Variants in PTP4A1 observed in about 807,000 individuals in gnomAD.
PTP4A1 encodes the protein protein tyrosine phosphatase type IVA 1.
Under a neutral mutation model 20.5 loss-of-function variants are expected in PTP4A1, and 9 were observed. The observed-to-expected ratio is 0.44, with a 90% confidence interval of 0.26 to 0.77. PTP4A1 has a LOEUF of 0.77. Among genes scored for constraint, PTP4A1 ranks in the 30% least tolerant of loss-of-function variants. The pLI, the probability that PTP4A1 is intolerant of heterozygous loss-of-function variation, is 0.19. For missense variants in PTP4A1, 137 were observed against 218.8 expected, an observed-to-expected ratio of 0.63 and a Z score of 2.36; for synonymous variants, 78 against 67.4, an observed-to-expected ratio of 1.16 and a Z score of -0.77.
At chr6:63,518,418 T>C (rs1354192840), upstream of PTP4A1, among the ~76,000 whole-genome samples, 2 of 152,164 alleles carry the variant, frequency 1.3e-5, no homozygotes, top group African/African-American at 2.4e-5. Flanking sequence ...TAAAAAATTA[T>C]CATTTTGGAC....
At chr6:63,523,506 A>G (rs1334154180) in intron 1 of PTP4A1, among the ~76,000 whole-genome samples, 2 of 152,032 alleles carry the variant, frequency 1.3e-5, no homozygotes, top group African/African-American at 2.4e-5. Context: ...GTGAGACTCC[A>G]TCTCAAAAAT....
chr6:63,536,789 T>G (rs564334875), intron 2 of PTP4A1, among the ~76,000 whole-genome samples: 1 of 152,286 alleles, frequency 6.6e-6, no homozygotes, highest in African/African-American at 2.4e-5. Flanking sequence ...TTATATTATT[T>G]ATGTAAATAA....
chr6:63,574,668 C>T (rs1777735128), intron 1 of PTP4A1, among the ~76,000 whole-genome samples: 1 of 152,010 alleles, frequency 6.6e-6, no homozygotes, highest in South Asian at 2.1e-4. Context: ...AATACTGCCT[C>T]AAATTAGCTT....
upstream of PTP4A1, chr6:63,571,540 T>C (rs2758251): frequency 3.3e-5 from 5 of 152,180 alleles, no homozygotes; most frequent in African/African-American, 4.8e-5. Context: ...AAAACGAACA[T>C]AAAGAAGAGC....
At chr6:63,555,311 G>A (rs1438887346) in intron 3 of PTP4A1, among the ~76,000 whole-genome samples, 4 of 152,080 alleles carry the variant, frequency 2.6e-5, no homozygotes, top group Non-Finnish European at 4.4e-5. Context: ...AAGGAACTTC[G>A]GAGAGTTCCC....
intron 2 of PTP4A1, among the ~76,000 whole-genome samples, chr6:63,529,794 A>C (rs1464563050): frequency 2.6e-5 from 4 of 152,160 alleles, no homozygotes; most frequent in African/African-American, 9.7e-5. Flanking sequence ...TCACCTACCC[A>C]CATCCTATAT....
In PTP4A1 at chr6:63,572,875, T is replaced by C. The variant is rs375994951; in HGVS notation, c.-446+156T>C. Reference sequence around the variant, plus strand: ...GGTGGGAGCGGGCGGGTTATGGCCCTGTGGCCGGCCGATTGCGGCCGGCTG... The same window carrying C: ...GGTGGGAGCGGGCGGGTTATGGCCCCGTGGCCGGCCGATTGCGGCCGGCTG... On this transcript the variant is annotated intron_variant, in intron 1 of 5. Transcript: ENST00000626021. 8.5e-5 allele frequency among the ~76,000 whole-genome samples: 13 copies of C among 152,090 alleles called. No homozygotes were observed. In the East Asian group the frequency reaches 2.1e-3, roughly 25 times the overall value.
chr6:63,569,253 C>G (rs1397042966), upstream of PTP4A1, among the ~76,000 whole-genome samples: 1 of 152,100 alleles, frequency 6.6e-6, no homozygotes, highest in African/African-American at 2.4e-5. Context: ...ATAAAAATAT[C>G]GCTTATAATA....
chr6:63,535,505 T>C (rs922420522), intron 2 of PTP4A1, among the ~76,000 whole-genome samples: 2 of 152,200 alleles, frequency 1.3e-5, no homozygotes, highest in African/African-American at 4.8e-5. Flanking sequence ...ATTTCCCTCC[T>C]TAATTAAATG....
intron 1 of PTP4A1, among the ~76,000 whole-genome samples, chr6:63,525,358 G>A (rs902068215): frequency 6.6e-6 from 1 of 152,138 alleles, no homozygotes; most frequent in Non-Finnish European, 1.5e-5. Context: ...CTGCCAATGG[G>A]GGAGCTAGAG....
At chr6:63,572,767 G>A (rs939767081) in intron 1 of PTP4A1, 48 bp downstream of exon 1, 7 of 398,290 alleles carry the variant, frequency 1.8e-5, no homozygotes, top group African/African-American at 6.2e-5. Flanking sequence ...ATCCACGACC[G>A]GCCCCCCATC....
At chr6:63,534,452 A>AACAC (rs61533550) in intron 2 of PTP4A1, among the ~76,000 whole-genome samples, 10,585 of 144,422 alleles carry the variant, frequency 0.073, 383 homozygotes, top group Non-Finnish European at 0.086. Flanking sequence ...CACACAGAGA[A>AACAC]ACACACACAC....
At chr6:63,558,760 T>C (rs1776798008) in intron 3 of PTP4A1, among the ~76,000 whole-genome samples, 1 of 152,072 alleles carries the variant, frequency 6.6e-6, no homozygotes, top group South Asian at 2.1e-4. Flanking sequence ...AGAGAAAGAA[T>C]AGGAAATATT....
upstream of PTP4A1, chr6:63,572,366 G>A (rs1296643374): frequency 3.3e-6 from 1 of 305,756 alleles, no homozygotes; most frequent in Non-Finnish European, 6.0e-6. Flanking sequence ...TCCGGAGGGG[G>A]CGGGCCTCCG....
chr6:63,523,984 T>C, intron 1 of PTP4A1, among the ~76,000 whole-genome samples: 1 of 152,124 alleles, frequency 6.6e-6, no homozygotes, highest in Middle Eastern at 3.2e-3. Context: ...ATTGTATCAA[T>C]AGGCTTTTTT....
chr6:63,531,517 T>G (rs1231610800), intron 2 of PTP4A1, among the ~76,000 whole-genome samples: 1 of 149,372 alleles, frequency 6.7e-6, no homozygotes, highest in African/African-American at 2.5e-5. Context: ...TTATGCTTTT[T>G]TTTTTTTTTT....
rs1029288611 is a variant in PTP4A1, at chr6:63,565,264, A to C, written c.-445-11172A>C. Among the ~76,000 whole-genome samples, 10 of 152,228 alleles carry C rather than the reference A, an allele frequency of 6.6e-5. No homozygotes were observed. In the East Asian group the frequency reaches 1.9e-3, roughly 29 times the overall value. ...CTTAATACACACACTAAGCTCCTAC[A>C]GAAGTAAATACTATATTAAGCGGCA... On this transcript the variant is annotated intron_variant, in intron 3 of 3. Coordinates refer to the PTP4A1 transcript ENST00000639568.
chr6:63,518,646 C>G (rs1774816726), upstream of PTP4A1, among the ~76,000 whole-genome samples: 1 of 152,170 alleles, frequency 6.6e-6, no homozygotes, highest in Admixed American at 6.5e-5. Context: ...GGATTTAACT[C>G]TAGGTCTCTT....
rs1175093496 is a variant in PTP4A1 at position 63,579,303 on chromosome 6, T to A, written c.376T>A (p.Tyr126Asn). ...ALALIEGGMKYEDAVQFIRQK... is the reference protein window; with the variant it reads ...ALALIEGGMKNEDAVQFIRQK... ...AGCATTAATTGAAGGTGGAATGAAATACGAAGATGCAGTACAATTCATAAG... is the reference window on the plus strand; with the variant it reads ...AGCATTAATTGAAGGTGGAATGAAAAACGAAGATGCAGTACAATTCATAAG... The change falls in exon 5 of 6, where the codon TAC becomes AAC. Residue 126 changes from tyrosine to asparagine, a missense_variant. Tyr to Asn is a moderately radical substitution (Grantham distance 143, BLOSUM62 -2). Transcript: ENST00000626021. 1.2e-6 allele frequency: 2 copies of A among 1,610,602 alleles called. No homozygotes were observed. The highest frequency in any genetic ancestry group is 3.4e-5 in the Admixed American group (2 of 59,514).
Sources: gnomAD v4.1 joint callset for allele counts (sites outside exome capture counted in the v4.1 genomes callset) on GRCh38, gnomAD v4.1.1 for gene constraint, MANE v1.5 for transcripts, NCBI Gene and HGNC (gene_info 2026-07-23, HGNC 2026-07-21) for gene names.